BCAS3: variants seen among roughly 807,000 people sequenced by gnomAD.
BCAS3 encodes BCAS3 microtubule associated cell migration factor, also known as BCAS4/BCAS3 fusion.
BCAS3 carries 53 observed loss-of-function variants against 116.1 expected under a neutral mutation model. That is an observed-to-expected ratio of 0.46 (90% CI 0.37 to 0.57). BCAS3 has a LOEUF of 0.57. BCAS3 is among the 20% of genes least tolerant of loss of function. The pLI is 0.00. For synonymous variants in BCAS3, 391 were observed against 408.2 expected (o/e 0.96, Z 0.51); for missense variants, 917 against 1,165.4 (o/e 0.79, Z 3.10).
In BCAS3 at chr17:60,947,313, C is replaced by A; in HGVS notation, c.1182C>A (p.His394Gln). Residue 394 changes from histidine (H) to glutamine (Q), a missense_variant, in exon 14 of 24, where the codon CAC becomes CAA. Physicochemically the swap from His to Gln is conservative, Grantham distance 24. Transcript: ENST00000407086. ...HPWSSSQCAV[H>Q]HLYTLHRGET... Reference sequence around the variant, plus strand: ...GGTCCTCATCACAATGTGCTGTCCACCATCTGTATACTCTTCACAGGGGAG... The same window carrying A: ...GGTCCTCATCACAATGTGCTGTCCAACATCTGTATACTCTTCACAGGGGAG... 6.2e-7 allele frequency: 1 copy of A among 1,613,760 alleles called. No homozygotes were observed. The highest frequency in any genetic ancestry group is 1.1e-5 in the South Asian group (1 of 91,056).
intron 19 of BCAS3, among the ~76,000 whole-genome samples, chr17:61,044,970 C>T: frequency 6.6e-6 from 1 of 151,822 alleles, no homozygotes; most frequent in East Asian, 1.9e-4. Flanking sequence ...CCAGGTTGGC[C>T]AAGACGGTCT....
rs998689219 is a variant in BCAS3 at position 61,307,900 on chromosome 17, G to A, written c.2426-60427G>A. On this transcript the variant is annotated intron_variant, in intron 22 of 23. Coordinates refer to ENST00000407086, the MANE Select transcript of BCAS3 (RefSeq NM_017679.5). This position sits in a 1 kb window ranked among gnomAD's most constrained non-coding sequence, Gnocchi z 4.7. Reference sequence around the variant, plus strand: ...ACAGATCTAACACAAATAATGTTACGTGAGCAACCCCAAACAGTATACACC... The same window carrying A: ...ACAGATCTAACACAAATAATGTTACATGAGCAACCCCAAACAGTATACACC... 1.3e-5 allele frequency among the ~76,000 whole-genome samples: 2 copies of A among 151,868 alleles called. No individual in the cohort carries two copies. Among genetic ancestry groups the A allele is most frequent in the Non-Finnish European group, 2.9e-5 (2 of 68,028 alleles).
At chr17:60,963,763 G>C (rs9897173) in intron 14 of BCAS3, among the ~76,000 whole-genome samples, 5 of 152,226 alleles carry the variant, frequency 3.3e-5, no homozygotes, top group African/African-American at 9.6e-5. Context: ...CACTGTGTTA[G>C]CCAGGATGGT....
Position 61,267,955 on chromosome 17 carries a change from G to A in BCAS3, c.2426-100372G>A, listed in dbSNP as rs12941404. Among the ~76,000 whole-genome samples the A allele has an allele frequency of 5.1e-4, 77 of 151,936 alleles. No individual in the cohort carries two copies. The East Asian group carries it at 0.011, about 22-fold the overall frequency. On this transcript the variant is annotated intron_variant, in intron 22 of 23. Transcript: ENST00000407086. ...CGAAAACCCATACTCACCCCTCCCC[G>A]AGAAAACTGGGTCACATATCTCTTG...
intron 6 of BCAS3, among the ~76,000 whole-genome samples, chr17:60,788,141 C>A (rs1272409798): frequency 2.0e-5 from 3 of 152,126 alleles, no homozygotes; most frequent in Non-Finnish European, 4.4e-5. Flanking sequence ...GGATTAAATG[C>A]AGACGCCTTT....
At chr17:60,712,931 A>T (rs1371265454) in intron 5 of BCAS3, among the ~76,000 whole-genome samples, 1 of 152,202 alleles carries the variant, frequency 6.6e-6, no homozygotes, top group Non-Finnish European at 1.5e-5. Context: ...TTCACTTGGG[A>T]AGTGGGACCT....
At chr17:60,799,527 T>G (rs2144582819) in intron 6 of BCAS3, among the ~76,000 whole-genome samples, 1 of 126,662 alleles carries the variant, frequency 7.9e-6, no homozygotes, top group East Asian at 2.0e-4. Context: ...AGTGTTTGTT[T>G]TTTTTTTTTT....
chr17:61,160,021 C>A (rs1335432909), intron 22 of BCAS3, among the ~76,000 whole-genome samples: 1 of 145,648 alleles, frequency 6.9e-6, no homozygotes. Flanking sequence ...GTGACAGTCT[C>A]GCTGGTATCT....
Position 61,351,737 on chromosome 17 carries a change from G to A in BCAS3, c.2426-16590G>A, listed in dbSNP as rs1380091175. Among the ~76,000 whole-genome samples the A allele has an allele frequency of 4.6e-5, 7 of 152,296 alleles. No homozygotes were observed. The East Asian group carries it at 1.4e-3, about 29-fold the overall frequency. On this transcript the variant is annotated intron_variant, in intron 22 of 23. Transcript: ENST00000407086. ...GCATCTCAGAATGGCTTAACCAGGAGGATGTAAGGAGGTGCTAAATGAAGA... is the reference window on the plus strand; with the variant it reads ...GCATCTCAGAATGGCTTAACCAGGAAGATGTAAGGAGGTGCTAAATGAAGA...
intron 22 of BCAS3, among the ~76,000 whole-genome samples, chr17:61,296,817 A>G (rs1392898003): frequency 6.6e-6 from 1 of 152,248 alleles, no homozygotes; most frequent in African/African-American, 2.4e-5. Context: ...GACAGAGCAC[A>G]AACAAGGAGC....
chr17:60,793,734 A>C (rs950032258), intron 6 of BCAS3, among the ~76,000 whole-genome samples: 1 of 152,182 alleles, frequency 6.6e-6, no homozygotes, highest in Non-Finnish European at 1.5e-5. Context: ...CTGTTAGTTC[A>C]TTCCTTTTTA....
intron 22 of BCAS3, among the ~76,000 whole-genome samples, chr17:61,193,077 C>A (rs542514468): frequency 6.6e-6 from 1 of 152,062 alleles, no homozygotes; most frequent in South Asian, 2.1e-4. Context: ...CGCTGGCCAA[C>A]GTGGCAAAAC....
At chr17:61,045,853 A>C (rs77797379) in intron 19 of BCAS3, among the ~76,000 whole-genome samples, 5,232 of 10,154 alleles carry the variant, frequency 0.52, 453 homozygotes, top group Middle Eastern at 0.65. Flanking sequence ...CTCTCTCTAT[A>C]TATATATATA....
chr17:61,384,691 A>G (rs1169418982), intron 23 of BCAS3: 3 of 152,174 alleles, frequency 2.0e-5, no homozygotes, highest in Non-Finnish European at 4.4e-5. Context: ...TCAGCACAGC[A>G]TTTTCTCTCC....
rs2144119220 is a variant in BCAS3, at chr17:61,171,822, G to T, written c.2425+87258G>T. On this transcript the variant is annotated intron_variant, in intron 22 of 23. Coordinates refer to ENST00000407086, the MANE Select transcript of BCAS3 (RefSeq NM_017679.5). The surrounding 1 kb of genome is among the most constrained non-coding windows in gnomAD (Gnocchi z 4.1). ...AATTTTTTTTTTTTTTTGTAGAAAT[G>T]GAGTCTCACTGTGTTGTTCGGGCTG... Among the ~76,000 whole-genome samples, 1 of 149,698 alleles carries T rather than the reference G, an allele frequency of 6.7e-6. No individual in the cohort carries two copies. Among genetic ancestry groups the T allele is most frequent in the East Asian group, 2.0e-4 (1 of 5,116 alleles).
intron 4 of BCAS3, among the ~76,000 whole-genome samples, chr17:60,702,833 C>T (rs1240429642): frequency 1.3e-5 from 2 of 151,812 alleles, no homozygotes; most frequent in African/African-American, 2.4e-5. Context: ...TCAAGTGATC[C>T]GCCCACCTTC....
At position 61,281,735 on chromosome 17, in the gene BCAS3, T is replaced by C. The variant is rs1050163328; in HGVS notation, c.2426-86592T>C. On this transcript the variant is annotated intron_variant, in intron 22 of 23. Coordinates refer to ENST00000407086, the MANE Select transcript of BCAS3 (RefSeq NM_017679.5). This position sits in a 1 kb window ranked among gnomAD's most constrained non-coding sequence, Gnocchi z 4.2. ...CAAATTAGCACTCTATCATATATATTATAAATATTTTTCCAAGTTTGTCAG... is the reference window on the plus strand; with the variant it reads ...CAAATTAGCACTCTATCATATATATCATAAATATTTTTCCAAGTTTGTCAG... 6.6e-6 allele frequency among the ~76,000 whole-genome samples: 1 copy of C among 152,116 alleles called. No homozygotes were observed. The highest frequency in any genetic ancestry group is 1.5e-5 in the Non-Finnish European group (1 of 68,010).
In BCAS3 at chr17:61,381,089, C is replaced by T. The variant is rs1208542624; in HGVS notation, c.2594-10888C>T. On this transcript the variant is annotated intron_variant, in intron 23 of 23. Coordinates refer to ENST00000407086, the MANE Select transcript of BCAS3 (RefSeq NM_017679.5). This position sits in a 1 kb window ranked among gnomAD's most constrained non-coding sequence, Gnocchi z 6.0. ...ACCTAATGTAACACAAAATTCATTACTGATCACATTACTTTCAACTCTGAA... is the reference window on the plus strand; with the variant it reads ...ACCTAATGTAACACAAAATTCATTATTGATCACATTACTTTCAACTCTGAA... Among the ~76,000 whole-genome samples, 4 of 152,222 alleles carry T rather than the reference C, an allele frequency of 2.6e-5. No homozygotes were observed. The East Asian group carries it at 7.7e-4, about 29-fold the overall frequency.
At chr17:60,855,255 T>C (rs1187305295) in intron 7 of BCAS3, among the ~76,000 whole-genome samples, 1 of 151,422 alleles carries the variant, frequency 6.6e-6, no homozygotes, top group Non-Finnish European at 1.5e-5. Flanking sequence ...GAGAGTTTTT[T>C]GTTTTGTTGT....
Sources: allele counts gnomAD v4.1 joint callset (sites outside exome capture counted in the v4.1 genomes callset), GRCh38; gene constraint gnomAD v4.1.1; non-coding constraint Gnocchi (gnomAD v3.1); transcripts MANE v1.5; gene names NCBI Gene and HGNC (gene_info 2026-07-23, HGNC 2026-07-21).